The following TUSC3 variants were observed in gnomAD, a reference collection of about 807,000 sequenced individuals.
TUSC3 encodes the protein tumor suppressor candidate 3.
Under a neutral mutation model 44.8 loss-of-function variants are expected in TUSC3, and 45 were observed. That is an observed-to-expected ratio of 1.00 (90% CI 0.79 to 1.29). The LOEUF (loss-of-function observed/expected upper bound fraction) is 1.29. TUSC3 is among the 50% of genes most tolerant of loss of function. TUSC3 has a pLI of 0.00. For synonymous variants in TUSC3, 212 were observed against 152.9 expected (o/e 1.39, Z -2.85); for missense variants, 519 against 437.9 (o/e 1.19, Z -1.65).
chr8:15,556,217 T>G (rs1157934020), intron 1 of TUSC3, among the ~76,000 whole-genome samples: 1 of 138,380 alleles, frequency 7.2e-6, no homozygotes, highest in Non-Finnish European at 1.5e-5. Context: ...CCATGTGATC[T>G]CATTGTTCAG....
intron 2 of TUSC3, among the ~76,000 whole-genome samples, chr8:15,483,988 C>G (rs1029330160): frequency 1.3e-5 from 2 of 152,084 alleles, no homozygotes; most frequent in African/African-American, 4.8e-5. Flanking sequence ...CTGGCCCTCT[C>G]TATAAATGTT....
chr8:15,790,431 C>T, the TUSC3 span, among the ~76,000 whole-genome samples: 1 of 152,048 alleles, frequency 6.6e-6, no homozygotes, highest in African/African-American at 2.4e-5. Flanking sequence ...GATCCACTTG[C>T]CTTGGCCTCC....
chr8:15,692,917 C>G (rs183825732), intron 6 of TUSC3, among the ~76,000 whole-genome samples: 409 of 152,114 alleles, frequency 2.7e-3, no homozygotes, highest in African/African-American at 9.1e-3. Context: ...ATGTAAAGGG[C>G]TTGTCTTTCT....
chr8:15,607,057 C>T (rs1444810502), intron 1 of TUSC3, among the ~76,000 whole-genome samples: 3 of 152,030 alleles, frequency 2.0e-5, no homozygotes, highest in Non-Finnish European at 4.4e-5. Flanking sequence ...CCGCAAGTTT[C>T]AGTAGTAAGC....
At chr8:15,849,159 G>C in the TUSC3 span, among the ~76,000 whole-genome samples, 1 of 152,054 alleles carries the variant, frequency 6.6e-6, no homozygotes, top group Non-Finnish European at 1.5e-5. Context: ...CATTCCATTT[G>C]GGGCATTTAA....
intron 6 of TUSC3, among the ~76,000 whole-genome samples, chr8:15,708,270 G>A (rs573142724): frequency 6.6e-6 from 1 of 151,934 alleles, no homozygotes; most frequent in Admixed American, 6.6e-5. Flanking sequence ...AATAAATGGA[G>A]TGTGGAGGAA....
chr8:15,671,418 A>G (rs1274546780), intron 5 of TUSC3, among the ~76,000 whole-genome samples: 2 of 152,176 alleles, frequency 1.3e-5, no homozygotes, highest in African/African-American at 4.8e-5. Context: ...AACAACCAAA[A>G]AAGGATGCAT....
At chr8:15,517,879 C>A (rs1195795679) in intron 2 of TUSC3, among the ~76,000 whole-genome samples, 1 of 151,656 alleles carries the variant, frequency 6.6e-6, no homozygotes, top group Non-Finnish European at 1.5e-5. Flanking sequence ...ACAAAATTTC[C>A]CTTTTAAATT....
the TUSC3 span, among the ~76,000 whole-genome samples, chr8:15,808,738 T>G: frequency 6.6e-6 from 1 of 152,114 alleles, no homozygotes; most frequent in Non-Finnish European, 1.5e-5. Context: ...CAGCTGTCAG[T>G]CAGTGTTAGC....
chr8:15,541,596 A>G (rs906185784), intron 1 of TUSC3, among the ~76,000 whole-genome samples: 2 of 152,166 alleles, frequency 1.3e-5, no homozygotes, highest in Non-Finnish European at 2.9e-5. Context: ...TCTGAAACAA[A>G]TATTGTGTGT....
In TUSC3 at chr8:15,567,019, A is replaced by G. The variant is rs1451312010; in HGVS notation, c.138+26451A>G. Among the ~76,000 whole-genome samples the G allele has an allele frequency of 5.3e-5, 8 of 152,262 alleles. No individual in the cohort carries two copies. In the South Asian group the frequency reaches 1.7e-3, roughly 32 times the overall value. On this transcript the variant is annotated intron_variant, in intron 1 of 10. Transcript: ENST00000503731. The stretch of plus-strand genomic sequence containing the variant: ...CTTTTATACTATGTGCTCTTGGCTA[A>G]GATAATGGCAAATTGGGAATGTGCA...
At chr8:15,717,372 T>C (rs112781809) in intron 6 of TUSC3, among the ~76,000 whole-genome samples, 2,995 of 152,102 alleles carry the variant, frequency 0.02, 96 homozygotes, top group African/African-American at 0.068. Context: ...GGGGATAAGA[T>C]TGTTTGAGAG....
chr8:15,574,679 G>C (rs549367251), intron 1 of TUSC3, among the ~76,000 whole-genome samples: 11 of 152,222 alleles, frequency 7.2e-5, no homozygotes, highest in Middle Eastern at 6.8e-3. Flanking sequence ...TTCCATGAGA[G>C]CTAGCTTTTA....
intron 1 of TUSC3, among the ~76,000 whole-genome samples, chr8:15,467,199 C>G (rs188286222): frequency 6.7e-6 from 1 of 150,198 alleles, no homozygotes; most frequent in African/African-American, 2.4e-5. Flanking sequence ...TCAACAAGTA[C>G]GTGCACTACG....
downstream of TUSC3, among the ~76,000 whole-genome samples, chr8:15,769,589 T>C (rs1390246626): frequency 6.6e-6 from 1 of 152,064 alleles, no homozygotes; most frequent in African/African-American, 2.4e-5. Flanking sequence ...GGGATCTAAT[T>C]AAACTAAAGA....
chr8:15,837,982 C>G, the TUSC3 span, among the ~76,000 whole-genome samples: 1 of 152,186 alleles, frequency 6.6e-6, no homozygotes, highest in Non-Finnish European at 1.5e-5. Flanking sequence ...CTGGCAGGAA[C>G]TGCAATCATG....
intron 3 of TUSC3, among the ~76,000 whole-genome samples, chr8:15,659,186 C>G (rs982582099): frequency 2.0e-5 from 3 of 151,990 alleles, no homozygotes; most frequent in African/African-American, 4.8e-5. Flanking sequence ...CTACTTTGCA[C>G]TTTCAGTCAC....
intron 6 of TUSC3, among the ~76,000 whole-genome samples, chr8:15,684,340 T>C (rs1808539654): frequency 6.6e-6 from 1 of 152,134 alleles, no homozygotes; most frequent in African/African-American, 2.4e-5. Flanking sequence ...GTGTGTTCAC[T>C]GGTGGTCTGG....
At chr8:15,550,887 G>C (rs1802039445) in intron 1 of TUSC3, among the ~76,000 whole-genome samples, 1 of 151,578 alleles carries the variant, frequency 6.6e-6, no homozygotes, top group African/African-American at 2.4e-5. Flanking sequence ...CGCCATGCTG[G>C]CCTTAAATTC....
Sources: gnomAD v4.1 joint callset for allele counts (sites outside exome capture counted in the v4.1 genomes callset) on GRCh38, gnomAD v4.1.1 for gene constraint, MANE v1.5 for transcripts, NCBI Gene and HGNC (gene_info 2026-07-23, HGNC 2026-07-21) for gene names.